The following MYO16 variants were observed in gnomAD, a reference collection of about 807,000 sequenced individuals.
The protein encoded by MYO16 is myosin XVI.
In MYO16, 94 loss-of-function variants were observed where a neutral mutation model predicts 205.3. The ratio of observed to expected loss-of-function variants is 0.46; its 90% confidence interval spans 0.39 to 0.54. The LOEUF (loss-of-function observed/expected upper bound fraction) is 0.54, where lower values mean the gene tolerates loss of function less well. Among genes scored for constraint, MYO16 ranks in the 20% least tolerant of loss-of-function variants. The probability of loss-of-function intolerance (pLI) is 0.00; values close to 1 mark genes in which losing one functional copy is unlikely to be tolerated. For synonymous variants in MYO16, 988 were observed against 954.0 expected, an observed-to-expected ratio of 1.04 and a Z score of -0.66; for missense variants, 2,315 against 2,387.5, an observed-to-expected ratio of 0.97 and a Z score of 0.63.
At chr13:108,771,130 G>C (rs1885948590) in intron 4 of MYO16, among the ~76,000 whole-genome samples, 1 of 152,146 alleles carries the variant, frequency 6.6e-6, no homozygotes, top group Non-Finnish European at 1.5e-5. Flanking sequence ...CCTCTCAGTG[G>C]GGAGAGGTAG....
At chr13:108,576,945 G>C in the MYO16 span, among the ~76,000 whole-genome samples, 26,033 of 151,916 alleles carry the variant, frequency 0.17, 2,469 homozygotes, top group Non-Finnish European at 0.22. Context: ...ATTTTATATA[G>C]AGACAGGGCC....
At chr13:108,516,336 G>T in the MYO16 span, among the ~76,000 whole-genome samples, 5 of 151,654 alleles carry the variant, frequency 3.3e-5, no homozygotes, top group Non-Finnish European at 5.9e-5. Context: ...GCTTCGGCTC[G>T]CGCACGGTGC....
At chr13:108,855,275 AG>A in intron 10 of MYO16, 167 bp from the exon 11 acceptor site, 2 of 342,894 alleles carry the variant, frequency 5.8e-6, no homozygotes, top group Non-Finnish European at 5.2e-6. Context: ...GTGGCTTTAG[AG>A]TTTTTTTTTT....
the MYO16 span, among the ~76,000 whole-genome samples, chr13:108,561,329 T>G: frequency 6.6e-6 from 1 of 152,194 alleles, no homozygotes; most frequent in African/African-American, 2.4e-5. Flanking sequence ...AAACCAATAT[T>G]TACTCTCTTT....
chr13:109,036,803 G>T (rs1407739910), intron 23 of MYO16, among the ~76,000 whole-genome samples: 1 of 152,132 alleles, frequency 6.6e-6, no homozygotes, highest in African/African-American at 2.4e-5. Context: ...AATACATAAA[G>T]CCTGAAGATC....
At chr13:109,185,031 C>A (rs1013992655) in intron 34 of MYO16, among the ~76,000 whole-genome samples, 1 of 152,096 alleles carries the variant, frequency 6.6e-6, no homozygotes, top group Non-Finnish European at 1.5e-5. Flanking sequence ...CCCCTCCCTC[C>A]CAAAGTGTTA....
At chr13:108,661,330 C>G (rs1018406219) in intron 1 of MYO16, among the ~76,000 whole-genome samples, 10 of 152,104 alleles carry the variant, frequency 6.6e-5, no homozygotes, top group Admixed American at 5.2e-4. Flanking sequence ...GTCTAGGTCT[C>G]TCTCAAGGCT....
intron 2 of MYO16, among the ~76,000 whole-genome samples, chr13:108,702,891 TATTA>T (rs1476567074): frequency 2.6e-5 from 4 of 152,128 alleles, no homozygotes; most frequent in African/African-American, 9.6e-5. Context: ...TAAATTAATA[TATTA>T]ATTGTAATCC....
chr13:108,779,647 C>T (rs1886235814), intron 4 of MYO16: 1 of 152,094 alleles, frequency 6.6e-6, no homozygotes, highest in Admixed American at 6.5e-5. Context: ...AATGGGTGGG[C>T]CATTTGCTAG....
chr13:108,551,940 C>G, the MYO16 span, among the ~76,000 whole-genome samples: 1 of 152,272 alleles, frequency 6.6e-6, no homozygotes, highest in South Asian at 2.1e-4. Flanking sequence ...ATGAGTCACT[C>G]TATCCACTAA....
chr13:108,516,245 G>GC, the MYO16 span, among the ~76,000 whole-genome samples: 1 of 151,436 alleles, frequency 6.6e-6, no homozygotes, highest in African/African-American at 2.4e-5. Context: ...TTTTCCAGGC[G>GC]CGTCCGTCAC....
chr13:108,890,366 T>C (rs1012102036), intron 14 of MYO16, among the ~76,000 whole-genome samples: 5 of 152,214 alleles, frequency 3.3e-5, no homozygotes, highest in African/African-American at 7.2e-5. Flanking sequence ...GGCATTATCT[T>C]TGAGACTGTT....
intron 16 of MYO16, among the ~76,000 whole-genome samples, chr13:108,932,405 G>A (rs1036290657): frequency 5.3e-5 from 8 of 152,144 alleles, no homozygotes; most frequent in Admixed American, 2.6e-4. Context: ...CATTGGCTTG[G>A]CTGAGAAGGT....
In MYO16 at chr13:109,162,338, G is replaced by C. The variant is rs1481476974; in HGVS notation, c.5165-2563G>C. On this transcript the variant is annotated intron_variant, in intron 32 of 34. Transcript: ENST00000457511. The surrounding 1 kb of genome is among the most constrained non-coding windows in gnomAD (Gnocchi z 4.6). ...GGACTGTGCTCATTCAAAGCCTTGGGGAAGCCCTCACTGCGCTGAGAATAA... is the reference window on the plus strand; with the variant it reads ...GGACTGTGCTCATTCAAAGCCTTGGCGAAGCCCTCACTGCGCTGAGAATAA... Among the ~76,000 whole-genome samples the C allele has an allele frequency of 6.6e-6, 1 of 152,114 alleles. No homozygotes were observed. Among genetic ancestry groups the C allele is most frequent in the East Asian group, 1.9e-4 (1 of 5,186 alleles).
At chr13:109,193,887 T>G (rs1260504333) in intron 34 of MYO16, among the ~76,000 whole-genome samples, 1 of 152,174 alleles carries the variant, frequency 6.6e-6, no homozygotes, top group Non-Finnish European at 1.5e-5. Context: ...AAGCAAAATA[T>G]GAATACCATT....
intron 6 of MYO16, among the ~76,000 whole-genome samples, chr13:108,794,802 G>A (rs1193465227): frequency 6.6e-6 from 1 of 152,044 alleles, no homozygotes; most frequent in East Asian, 1.9e-4. Flanking sequence ...ATAGGAGAAG[G>A]GAATTTGGAG....
chr13:108,710,573 T>C (rs1414106718), intron 2 of MYO16, among the ~76,000 whole-genome samples: 1 of 152,216 alleles, frequency 6.6e-6, no homozygotes, highest in African/African-American at 2.4e-5. Context: ...CTACATATGT[T>C]GTCTCATTTA....
intron 1 of MYO16, among the ~76,000 whole-genome samples, chr13:108,612,381 A>G (rs1365683436): frequency 6.6e-6 from 1 of 152,214 alleles, no homozygotes; most frequent in East Asian, 1.9e-4. Context: ...TTTTAAGAAA[A>G]TATAAGATTC....
chr13:108,752,378 A>G (rs1300400139), intron 4 of MYO16, among the ~76,000 whole-genome samples: 1 of 152,158 alleles, frequency 6.6e-6, no homozygotes, highest in Non-Finnish European at 1.5e-5. Flanking sequence ...ATATGTTTAT[A>G]TCTATTTGTT....
Sources: allele counts gnomAD v4.1 joint callset (sites outside exome capture counted in the v4.1 genomes callset), GRCh38; gene constraint gnomAD v4.1.1; non-coding constraint Gnocchi (gnomAD v3.1); transcripts MANE v1.5; gene names NCBI Gene and HGNC (gene_info 2026-07-23, HGNC 2026-07-21).